MYO19: variants seen among roughly 807,000 people sequenced by gnomAD.
MYO19 encodes myosin XIX.
In MYO19, 132 loss-of-function variants were observed where a neutral mutation model predicts 129.2. The ratio of observed to expected loss-of-function variants is 1.02; its 90% CI spans 0.89 to 1.18. MYO19 has a LOEUF of 1.18. Ranked by LOEUF, MYO19 falls within the 50% of genes most tolerant of loss-of-function variation. The pLI is 0.00. For missense variants in MYO19, 1,210 were observed against 1,216.7 expected (o/e 0.99, Z 0.08); for synonymous variants, 531 against 477.2 (o/e 1.11, Z -1.47).
At chr17:36,530,631 T>C (rs2073779863) in intron 3 of MYO19, among the ~76,000 whole-genome samples, 1 of 151,370 alleles carries the variant, frequency 6.6e-6, no homozygotes, top group Admixed American at 6.6e-5. Context: ...GTATTTTTTT[T>C]TTTTTTTGAC....
At chr17:36,513,843 G>A (rs567306331) in intron 9 of MYO19, 118 bp from the exon 10 acceptor site, 1 of 858,884 alleles carries the variant, frequency 1.2e-6, no homozygotes, top group Admixed American at 2.6e-5. Context: ...AAGGCTCAGA[G>A]GTCCCTTCCG....
At chr17:36,499,244 T>C in intron 23 of MYO19, 84 bp from the exon 24 acceptor site, 1 of 965,222 alleles carries the variant, frequency 1.0e-6, no homozygotes, top group Non-Finnish European at 1.6e-6. Flanking sequence ...AGCACCACAG[T>C]TGCTGTCAAA....
rs1555571425 is a variant in MYO19, at chr17:36,504,925, A to AG, written c.1905+371_1905+372insC. On this transcript the variant is annotated intron_variant, in intron 19 of 25. Coordinates refer to ENST00000614623, the MANE Select transcript of MYO19 (RefSeq NM_001163735.2). ...GAGGCTCAGTCTCAAAAAAAAAAAA[A>AG]AAAAAGAAAAAAATGATACCTCCAG... 372 of 291,620 alleles carry AG rather than the reference A, an allele frequency of 1.3e-3. 2 individuals carry two copies. The highest frequency in any genetic ancestry group is 7.8e-3 in the African/African-American group (356 of 45,880). 18.1% of individuals were successfully genotyped at this position (291,620 alleles called of 1,614,324 possible). A position where few individuals can be genotyped will look rare whatever the true frequency, so the allele number is the denominator to read the frequency against.
At chr17:36,535,094 G>A (rs1027360832), upstream of MYO19, 2 of 152,344 alleles carry the variant, frequency 1.3e-5, no homozygotes, top group Admixed American at 1.3e-4. Context: ...TGAGGGTAAA[G>A]CGGCAGCTTC....
Position 36,528,059 on chromosome 17 carries a change from C to G in MYO19, c.151+5G>C, listed in dbSNP as rs770337035. 7 of 1,612,178 alleles carry G rather than the reference C, an allele frequency of 4.3e-6. No homozygotes were observed. Among genetic ancestry groups the G allele is most frequent in the Non-Finnish European group, 5.9e-6 (7 of 1,178,558 alleles). On this transcript the variant is annotated splice_donor_5th_base_variant and intron_variant, in intron 4 of 25. Transcript: ENST00000614623. Reference sequence around the variant, plus strand: ...TGATACTCCTGAGGAATGGGAGGCCCATACCTGTCTCTAGTGTCACAGGAT... The same window carrying G: ...TGATACTCCTGAGGAATGGGAGGCCGATACCTGTCTCTAGTGTCACAGGAT...
At chr17:36,509,415 G>C in intron 13 of MYO19, 3 of 514,206 alleles carry the variant, frequency 5.8e-6, no homozygotes. Context: ...GCTGGGGAGG[G>C]AATCAGTCGA....
intron 18 of MYO19, 67 bp from the exon 19 acceptor site, chr17:36,505,471 G>T: frequency 8.6e-7 from 1 of 1,167,290 alleles, no homozygotes; most frequent in South Asian, 1.3e-5. Context: ...CTGGGCTCTG[G>T]TTAGTAACTA....
Position 36,532,622 on chromosome 17 carries a change from G to A in MYO19, c.-84C>T, listed in dbSNP as rs2073894630. 5.3e-6 allele frequency: 8 copies of A among 1,507,874 alleles called. No homozygotes were observed. Among genetic ancestry groups the A allele is most frequent in the South Asian group, 1.2e-5 (1 of 83,134 alleles). 93.4% of individuals were successfully genotyped at this position (1,507,874 alleles called of 1,614,324 possible). A position where few individuals can be genotyped will look rare whatever the true frequency, so the allele number is the denominator to read the frequency against. ...CACCTAGTCATGGGACCATGGGCTGGGGTATGGTTCCAACAAAGGGCTCAG... is the reference window on the plus strand; with the variant it reads ...CACCTAGTCATGGGACCATGGGCTGAGGTATGGTTCCAACAAAGGGCTCAG... On this transcript the variant is annotated 5_prime_UTR_variant, in exon 3 of 26. Coordinates refer to ENST00000614623, the MANE Select transcript of MYO19 (RefSeq NM_001163735.2).
At position 36,507,051 on chromosome 17, in the gene MYO19, T is replaced by A; in HGVS notation, c.1556A>T (p.Asn519Ile). Residue 519 changes from asparagine to isoleucine, a missense_variant, in exon 17 of 26, where the codon AAT becomes ATT. Coordinates refer to ENST00000614623, the MANE Select transcript of MYO19 (RefSeq NM_001163735.2). ...ALAGSPCLGH[N>I]KLSREPSFIV... is the part of the protein sequence containing the mutation. Reference sequence around the variant, plus strand: ...GAAGCTGGGCTCCCGGCTGAGCTTATTGTGGCCCAGGCAGGGGCTGCCTGC... The same window carrying A: ...GAAGCTGGGCTCCCGGCTGAGCTTAATGTGGCCCAGGCAGGGGCTGCCTGC... The A allele has an allele frequency of 6.2e-7, 1 of 1,613,596 alleles. No individual in the cohort carries two copies. Among genetic ancestry groups the A allele is most frequent in the Non-Finnish European group, 8.5e-7 (1 of 1,179,648 alleles).
At chr17:36,534,970 C>T (rs1302413514), upstream of MYO19, 2 of 152,366 alleles carry the variant, frequency 1.3e-5, no homozygotes, top group African/African-American at 4.8e-5. Flanking sequence ...CGGCTCCTCC[C>T]TAGGGGCGGG....
chr17:36,503,251 G>C, intron 20 of MYO19, 51 bp from the exon 21 acceptor site: 1 of 1,451,572 alleles, frequency 6.9e-7, no homozygotes, highest in Non-Finnish European at 9.7e-7. Flanking sequence ...TGTGAGCCAG[G>C]TTAACGGTTC....
chr17:36,538,007 C>T (rs201897072), upstream of MYO19: 66 of 1,613,996 alleles, frequency 4.1e-5, no homozygotes, highest in East Asian at 1.4e-3. Context: ...TAAATGCCAA[C>T]CGCGAAGGAA....
chr17:36,515,982 C>T lies in MYO19; in HGVS notation c.423G>A (p.Thr141=), dbSNP rs367991891. 234 of 1,610,980 alleles carry T rather than the reference C, an allele frequency of 1.5e-4. No individual in the cohort carries two copies. The African/African-American group carries it at 3.0e-3, about 20-fold the overall frequency. ...CATAGAACTTCATTAGGCAGCGAGA[C>T]GTCCATGTCTGTGGCAGAAACAGCC... ...SGESGAGKTW[T]SRCLMKFYAV... is the part of the protein sequence containing the mutation. The change falls in exon 7 of 26, where the codon ACG becomes ACA. Residue 141 remains threonine, a synonymous_variant. Coordinates refer to ENST00000614623, the MANE Select transcript of MYO19 (RefSeq NM_001163735.2).
chr17:36,537,155 C>G (rs529378174), upstream of MYO19: 33 of 1,612,970 alleles, frequency 2.0e-5, no homozygotes, highest in Non-Finnish European at 2.7e-5. Context: ...ATGGAACCAC[C>G]GTGCTGGAAA....
chr17:36,517,326 C>A (rs1211787851), intron 6 of MYO19, among the ~76,000 whole-genome samples: 1 of 152,220 alleles, frequency 6.6e-6, no homozygotes, highest in African/African-American at 2.4e-5. Flanking sequence ...GTGGCACGAT[C>A]TCGGCTCACT....
intron 9 of MYO19, among the ~76,000 whole-genome samples, chr17:36,514,013 C>T (rs1328311529): frequency 6.6e-6 from 1 of 152,192 alleles, no homozygotes; most frequent in Non-Finnish European, 1.5e-5. Flanking sequence ...GGAGGCATAC[C>T]CATCACCTAA....
chr17:36,501,054 C>T lies in MYO19; in HGVS notation c.2247+15G>A. 6.2e-7 allele frequency: 1 copy of T among 1,605,998 alleles called. No individual in the cohort carries two copies. The highest frequency in any genetic ancestry group is 1.7e-5 in the Admixed American group (1 of 59,852). On this transcript the variant is annotated intron_variant, in intron 22 of 25. Transcript: ENST00000614623. ...AGCTTGCCTCTGTAACCTCCTCATCCCCAAACCAGCTCACCATAGAGTCAG... is the reference window on the plus strand; with the variant it reads ...AGCTTGCCTCTGTAACCTCCTCATCTCCAAACCAGCTCACCATAGAGTCAG...
At chr17:36,534,893 AAAGGAACCTGGG>A (rs965594658), upstream of MYO19, 2 of 152,270 alleles carry the variant, frequency 1.3e-5, no homozygotes, top group African/African-American at 4.8e-5. Context: ...TGCAGTGAGG[AAAGGAACCTGGG>A]AGCGCCGAAC....
chr17:36,506,003 G>T (rs1049407980), intron 18 of MYO19, among the ~76,000 whole-genome samples: 10 of 152,224 alleles, frequency 6.6e-5, no homozygotes, highest in African/African-American at 2.2e-4. Context: ...GTGGAGGATG[G>T]GAGTGAGGTG....
Sources: allele counts gnomAD v4.1 joint callset (sites outside exome capture counted in the v4.1 genomes callset), GRCh38; gene constraint gnomAD v4.1.1; transcripts MANE v1.5; gene names NCBI Gene and HGNC (gene_info 2026-07-23, HGNC 2026-07-21).